Variants in ZFHX3 observed in about 807,000 individuals in gnomAD.
ZFHX3 encodes the protein zinc finger homeobox protein 3.
Under a neutral mutation model 279.1 loss-of-function variants are expected in ZFHX3, and 42 were observed. The observed-to-expected ratio is 0.15, with a 90% CI of 0.12 to 0.19. The LOEUF (loss-of-function observed/expected upper bound fraction) is 0.19. Ranked by LOEUF, ZFHX3 falls within the 10% of genes least tolerant of loss-of-function variation. The probability of loss-of-function intolerance (pLI) is 1.00; values close to 1 mark genes in which losing one functional copy is unlikely to be tolerated. For missense variants in ZFHX3, 4,981 were observed against 4,754.0 expected (o/e 1.05, Z -1.40); for synonymous variants, 2,293 against 1,957.8 (o/e 1.17, Z -4.52).
chr16:73,618,940 G>A (rs547205828), intron 2 of ZFHX3, among the ~76,000 whole-genome samples: 1 of 152,282 alleles, frequency 6.6e-6, no homozygotes, highest in South Asian at 2.1e-4. Context: ...ACTTGTCACA[G>A]CTGACTACCA....
At chr16:73,152,863 C>A (rs1052028612) in intron 5 of ZFHX3, among the ~76,000 whole-genome samples, 3 of 151,770 alleles carry the variant, frequency 2.0e-5, no homozygotes, top group Admixed American at 6.6e-5. Context: ...AGAGGGCCAG[C>A]TGAGCCGGGT....
At chr16:73,114,252 T>C (rs1966408724) in intron 7 of ZFHX3, among the ~76,000 whole-genome samples, 1 of 152,280 alleles carries the variant, frequency 6.6e-6, no homozygotes, top group Middle Eastern at 3.4e-3. Context: ...GGATTTTGCC[T>C]GTATGTTACT....
Position 73,650,641 on chromosome 16 carries a change from C to T in ZFHX3, c.-1547+29539G>A, listed in dbSNP as rs561884929. 1.2e-3 allele frequency among the ~76,000 whole-genome samples: 186 copies of T among 152,214 alleles called. 1 individual carries two copies. The highest frequency in any genetic ancestry group is 2.3e-3 in the South Asian group (11 of 4,830). On this transcript the variant is annotated intron_variant, in intron 2 of 17. Coordinates refer to the ZFHX3 transcript ENST00000641206. Reference sequence around the variant, plus strand: ...CCTTTGGATGGATAATTTTGCCCTTCGACATTTTTTAAAGCTAAGTAATCA... The same window carrying T: ...CCTTTGGATGGATAATTTTGCCCTTTGACATTTTTTAAAGCTAAGTAATCA...
chr16:73,558,846 G>A (rs1041810878), intron 2 of ZFHX3, among the ~76,000 whole-genome samples: 2 of 151,086 alleles, frequency 1.3e-5, no homozygotes, highest in Non-Finnish European at 2.9e-5. Context: ...CTGAGTAGCT[G>A]GGATTACAGG....
At chr16:72,887,015 T>TC (rs2038642883) in intron 4 of ZFHX3, among the ~76,000 whole-genome samples, 1 of 152,246 alleles carries the variant, frequency 6.6e-6, no homozygotes, top group African/African-American at 2.4e-5. Context: ...ACAAAAATTA[T>TC]CCCGGTACCC....
At chr16:73,757,325 C>T (rs976203949) in intron 1 of ZFHX3, among the ~76,000 whole-genome samples, 3 of 152,162 alleles carry the variant, frequency 2.0e-5, no homozygotes, top group South Asian at 4.1e-4. Flanking sequence ...CCTAACTCTG[C>T]AATACCACTA....
chr16:73,721,753 A>T (rs1025687623), intron 1 of ZFHX3, among the ~76,000 whole-genome samples: 4 of 152,194 alleles, frequency 2.6e-5, no homozygotes, highest in Non-Finnish European at 4.4e-5. Flanking sequence ...TATAAACAAT[A>T]CCACTAGTGG....
chr16:72,928,970 G>A (rs571801941), intron 3 of ZFHX3, among the ~76,000 whole-genome samples: 8 of 152,120 alleles, frequency 5.3e-5, no homozygotes, highest in African/African-American at 1.9e-4. Context: ...GGGTGCGGGA[G>A]CTCATGCCTA....
intron 2 of ZFHX3, among the ~76,000 whole-genome samples, chr16:73,489,547 C>T (rs374387180): frequency 1.2e-4 from 19 of 152,288 alleles, no homozygotes; most frequent in Non-Finnish European, 2.1e-4. Context: ...TGCATTAGAT[C>T]CAAATTGCAA....
intron 8 of ZFHX3, among the ~76,000 whole-genome samples, chr16:73,089,809 C>T (rs1399334175): frequency 6.6e-6 from 1 of 152,136 alleles, no homozygotes; most frequent in Admixed American, 6.5e-5. Flanking sequence ...TTGAAGATTC[C>T]CCTATTAGTG....
At chr16:73,084,696 A>T (rs973830509) in intron 8 of ZFHX3, among the ~76,000 whole-genome samples, 27 of 151,808 alleles carry the variant, frequency 1.8e-4, no homozygotes, top group Non-Finnish European at 3.1e-4. Context: ...TTTGTTTTGT[A>T]TTTTTAGTAG....
chr16:73,308,259 ATATATATATATATATATATT>A (rs1191347414), intron 4 of ZFHX3, among the ~76,000 whole-genome samples: 807 of 28,360 alleles, frequency 0.028, 21 homozygotes, highest in East Asian at 0.093. Flanking sequence ...ATATATATAT[ATATATATATATATATATATT>A]TATTTATTTA....
chr16:72,880,979 A>G (rs1043290906), intron 4 of ZFHX3, among the ~76,000 whole-genome samples: 4 of 152,240 alleles, frequency 2.6e-5, no homozygotes, highest in Admixed American at 6.5e-5. Context: ...AACAGAGAGA[A>G]AGATCAGCAA....
At chr16:73,346,624 A>C (rs2016129070) in intron 3 of ZFHX3, among the ~76,000 whole-genome samples, 1 of 152,166 alleles carries the variant, frequency 6.6e-6, no homozygotes, top group Admixed American at 6.5e-5. Flanking sequence ...GGTGTATGCC[A>C]CTATGCCTGG....
At chr16:73,231,401 G>A (rs538563477) in intron 5 of ZFHX3, among the ~76,000 whole-genome samples, 52 of 152,326 alleles carry the variant, frequency 3.4e-4, no homozygotes, top group Non-Finnish European at 6.6e-4. Flanking sequence ...TGCTCAAGAT[G>A]TAGGGCAAGT....
upstream of ZFHX3, chr16:73,061,186 T>C (rs1020269360): frequency 6.6e-6 from 1 of 152,204 alleles, no homozygotes; most frequent in African/African-American, 2.4e-5. Flanking sequence ...CAGTCAGTGC[T>C]TGCAAAACCT....
rs2143450488 is a variant in ZFHX3, at chr16:72,797,384, C to T, written c.5298G>A (p.Leu1766=). 1 of 1,605,956 alleles carries T rather than the reference C, an allele frequency of 6.2e-7. No homozygotes were observed. Among genetic ancestry groups the T allele is most frequent in the South Asian group, 1.1e-5 (1 of 88,656 alleles). The part of the protein sequence containing the change: ...LQQELQQQAA[L]IQSQLFNPTL... Reference sequence around the variant, plus strand: ...TGGGGTTAAACAGCTGAGACTGGATCAGGGCAGCCTGTTGCTGCAGCTCCT... The same window carrying T: ...TGGGGTTAAACAGCTGAGACTGGATTAGGGCAGCCTGTTGCTGCAGCTCCT... Residue 1766 remains leucine, a synonymous_variant, in exon 9 of 10, where the codon CTG becomes CTA. Transcript: ENST00000268489.
At chr16:73,666,971 A>G (rs1231482724) in intron 2 of ZFHX3, among the ~76,000 whole-genome samples, 1 of 151,862 alleles carries the variant, frequency 6.6e-6, no homozygotes, top group Non-Finnish European at 1.5e-5. Flanking sequence ...GTAATATTCC[A>G]TTGTACAGAT....
intron 3 of ZFHX3, among the ~76,000 whole-genome samples, chr16:73,378,517 C>T (rs908773099): frequency 2.6e-5 from 4 of 152,104 alleles, no homozygotes; most frequent in African/African-American, 9.7e-5. Context: ...CTAAGAAATT[C>T]TAAAGGTTAA....
Sources: allele counts gnomAD v4.1 joint callset (sites outside exome capture counted in the v4.1 genomes callset), GRCh38; gene constraint gnomAD v4.1.1; transcripts MANE v1.5; gene names NCBI Gene and HGNC (gene_info 2026-07-23, HGNC 2026-07-21).